The following PDE11A variants were observed in gnomAD, a reference collection of about 807,000 sequenced individuals.
The protein encoded by PDE11A is phosphodiesterase 11A.
A neutral mutation model predicts 100.5 loss-of-function variants in PDE11A; 100 were observed. That is an observed-to-expected ratio of 1.00 (90% CI 0.85 to 1.18). The LOEUF (loss-of-function observed/expected upper bound fraction) is 1.18, where lower values mean the gene tolerates loss of function less well. Among genes scored for constraint, PDE11A ranks in the 50% most tolerant of loss-of-function variants. PDE11A has a pLI of 0.00. For missense variants in PDE11A, 1,141 were observed against 1,152.6 expected, an observed-to-expected ratio of 0.99 and a Z score of 0.15; for synonymous variants, 381 against 420.8, an observed-to-expected ratio of 0.91 and a Z score of 1.16.
intron 1 of PDE11A, among the ~76,000 whole-genome samples, chr2:178,032,667 C>T (rs1185556934): frequency 6.6e-6 from 1 of 152,082 alleles, no homozygotes. Flanking sequence ...GGCATTAGGC[C>T]AGGGCCTCCC....
intron 19 of PDE11A, among the ~76,000 whole-genome samples, chr2:177,637,910 CATATATACACAT>C (rs1317463948): frequency 9.1e-5 from 3 of 33,016 alleles, no homozygotes; most frequent in South Asian, 2.0e-3. Context: ...TACATATATA[CATATATACACAT>C]ACATATATAC....
chr2:178,032,237 T>C (rs772147562), intron 1 of PDE11A, among the ~76,000 whole-genome samples: 1 of 152,110 alleles, frequency 6.6e-6, no homozygotes, highest in African/African-American at 2.4e-5. Flanking sequence ...AAAGACACTA[T>C]AGGAGAATAT....
intron 2 of PDE11A, among the ~76,000 whole-genome samples, chr2:177,912,688 T>C (rs2084900005): frequency 6.6e-6 from 1 of 152,144 alleles, no homozygotes; most frequent in Non-Finnish European, 1.5e-5. Flanking sequence ...GATCATAGAT[T>C]TCAAGAGAAA....
intron 19 of PDE11A, among the ~76,000 whole-genome samples, chr2:177,655,858 C>T (rs1342459573): frequency 1.3e-5 from 2 of 152,240 alleles, no homozygotes; most frequent in African/African-American, 4.8e-5. Flanking sequence ...CATATGTATG[C>T]AATATACAAT....
chr2:178,092,425 C>G (rs1455920065), intron 2 of PDE11A: 1 of 152,100 alleles, frequency 6.6e-6, no homozygotes, highest in Non-Finnish European at 1.5e-5. Context: ...ACAGGCTGAT[C>G]AAAAATGATC....
intron 19 of PDE11A, among the ~76,000 whole-genome samples, chr2:177,635,225 T>A (rs1440637666): frequency 1.3e-5 from 2 of 152,236 alleles, no homozygotes; most frequent in African/African-American, 2.4e-5. Context: ...CTTAGGGTGC[T>A]CTTTCTTTAA....
intron 2 of PDE11A, among the ~76,000 whole-genome samples, chr2:178,103,244 A>G (rs941280622): frequency 6.6e-6 from 1 of 152,176 alleles, no homozygotes; most frequent in Non-Finnish European, 1.5e-5. Context: ...TGAAAACATT[A>G]TGCTAAGTGA....
chr2:177,791,906 G>A (rs1327434900), intron 9 of PDE11A, among the ~76,000 whole-genome samples: 5 of 152,096 alleles, frequency 3.3e-5, no homozygotes, highest in Non-Finnish European at 5.9e-5. Flanking sequence ...TAAGGTGAAA[G>A]AAATTGCCTA....
chr2:177,860,882 C>T (rs190645481), intron 5 of PDE11A, among the ~76,000 whole-genome samples: 29 of 151,804 alleles, frequency 1.9e-4, no homozygotes, highest in Admixed American at 5.9e-4. Context: ...CAAAATCCAA[C>T]ATGCTTTCAT....
At chr2:177,934,856 C>T (rs2085253016) in intron 2 of PDE11A, among the ~76,000 whole-genome samples, 1 of 152,132 alleles carries the variant, frequency 6.6e-6, no homozygotes, top group Non-Finnish European at 1.5e-5. Flanking sequence ...CAGCTGAAGG[C>T]TATTATTCTA....
intron 2 of PDE11A, among the ~76,000 whole-genome samples, chr2:178,004,336 T>G (rs949464302): frequency 6.6e-6 from 1 of 152,160 alleles, no homozygotes; most frequent in Non-Finnish European, 1.5e-5. Context: ...ACAAATATAC[T>G]TGGATTCTAT....
At position 177,623,740 on chromosome 2, in the gene PDE11A, A is replaced by T. The variant is rs1046075782; in HGVS notation, c.*5667T>A. ...CACAGCAAATACTTCATTACTTAAT[A>T]AAAAAACACATTTGTGTACTAGCGT... is the stretch of plus-strand genomic sequence containing the variant. On this transcript the variant is annotated 3_prime_UTR_variant, in exon 20 of 20. Transcript: ENST00000286063. 1 of 142,892 alleles carries T rather than the reference A, an allele frequency of 7.0e-6. No individual in the cohort carries two copies. Among genetic ancestry groups the T allele is most frequent in the African/African-American group, 2.6e-5 (1 of 38,124 alleles). 8.9% of individuals were successfully genotyped at this position (142,892 alleles called of 1,614,324 possible). A position where few individuals can be genotyped will look rare whatever the true frequency, so the allele number is the denominator to read the frequency against.
At chr2:177,935,764 A>T (rs547382063) in intron 2 of PDE11A, among the ~76,000 whole-genome samples, 7 of 152,310 alleles carry the variant, frequency 4.6e-5, no homozygotes, top group Admixed American at 3.9e-4. Flanking sequence ...CCCAGCTCTG[A>T]CTATAACACC....
chr2:177,980,216 T>A (rs2695743), intron 2 of PDE11A, among the ~76,000 whole-genome samples: 1 of 149,932 alleles, frequency 6.7e-6, no homozygotes, highest in Non-Finnish European at 1.5e-5. Flanking sequence ...ATCAAGTCTA[T>A]CCCGATATTC....
At chr2:178,000,668 G>A (rs1399556701) in intron 2 of PDE11A, among the ~76,000 whole-genome samples, 4 of 152,110 alleles carry the variant, frequency 2.6e-5, no homozygotes, top group Admixed American at 2.0e-4. Context: ...GTACAAAGCC[G>A]TTATTATTTT....
Position 177,697,435 on chromosome 2 carries a change from G to C in PDE11A, c.2245-3C>G, listed in dbSNP as rs375923206. ...AGGTTAGCAAAGATATTGTGACCCT[G>C]TAATGAGAAAGTAAAAAGTCACAAA... On this transcript the variant is annotated splice_region_variant and splice_polypyrimidine_tract_variant and intron_variant, in intron 14 of 19. Coordinates refer to ENST00000286063, the MANE Select transcript of PDE11A (RefSeq NM_016953.4). The C allele has an allele frequency of 4.6e-5, 66 of 1,429,326 alleles. No homozygotes were observed. Among genetic ancestry groups the C allele is most frequent in the Non-Finnish European group, 6.2e-5 (63 of 1,011,800 alleles). 88.5% of individuals were successfully genotyped at this position (1,429,326 alleles called of 1,614,324 possible). A position where few individuals can be genotyped will look rare whatever the true frequency, so the allele number is the denominator to read the frequency against.
At chr2:177,844,425 T>G (rs1226352264) in intron 5 of PDE11A, among the ~76,000 whole-genome samples, 1 of 152,106 alleles carries the variant, frequency 6.6e-6, no homozygotes, top group Non-Finnish European at 1.5e-5. Context: ...CATTAGGGAC[T>G]GGGTTTCAAC....
chr2:177,930,022 T>A (rs188280155), intron 2 of PDE11A, among the ~76,000 whole-genome samples: 64 of 152,348 alleles, frequency 4.2e-4, no homozygotes, highest in Non-Finnish European at 2.9e-5. Context: ...TGTGGGCTGT[T>A]CATTTTGTCA....
intron 9 of PDE11A, among the ~76,000 whole-genome samples, chr2:177,789,419 C>A (rs2105532057): frequency 6.6e-6 from 1 of 151,848 alleles, no homozygotes; most frequent in African/African-American, 2.4e-5. Context: ...ATGACAAACC[C>A]ACAGCCAATA....
Sources: allele counts gnomAD v4.1 joint callset (sites outside exome capture counted in the v4.1 genomes callset), GRCh38; gene constraint gnomAD v4.1.1; transcripts MANE v1.5; gene names NCBI Gene and HGNC (gene_info 2026-07-23, HGNC 2026-07-21).